SPATA16: variants seen among roughly 807,000 people sequenced by gnomAD.
SPATA16 encodes the protein spermatogenesis-associated protein 16.
In SPATA16, 36 loss-of-function variants were observed where a neutral mutation model predicts 63.3. That is an observed-to-expected ratio of 0.57 (90% CI 0.44 to 0.75). The LOEUF is 0.75. Ranked by LOEUF, SPATA16 falls within the 30% of genes least tolerant of loss-of-function variation. SPATA16 has a pLI of 0.00. For missense variants in SPATA16, 646 were observed against 679.3 expected (o/e 0.95, Z 0.54); for synonymous variants, 203 against 216.7 (o/e 0.94, Z 0.56).
intron 3 of SPATA16, among the ~76,000 whole-genome samples, chr3:173,039,396 A>G (rs972691960): frequency 6.6e-6 from 1 of 152,148 alleles, no homozygotes; most frequent in Non-Finnish European, 1.5e-5. Flanking sequence ...GGCAGTCCTC[A>G]GCATGGGAGC....
At chr3:172,954,314 C>T (rs1034489557) in intron 6 of SPATA16, among the ~76,000 whole-genome samples, 2 of 152,144 alleles carry the variant, frequency 1.3e-5, no homozygotes, top group African/African-American at 4.8e-5. Context: ...ACCATCAGAT[C>T]ATGTGAGACT....
chr3:173,056,099 A>G (rs1205585627), intron 2 of SPATA16, among the ~76,000 whole-genome samples: 1 of 152,144 alleles, frequency 6.6e-6, no homozygotes, highest in African/African-American at 2.4e-5. Context: ...AGGAGTAACA[A>G]CTCATAATGA....
chr3:173,111,585 AT>A (rs1431204813), intron 2 of SPATA16, among the ~76,000 whole-genome samples: 1 of 152,194 alleles, frequency 6.6e-6, no homozygotes, highest in Non-Finnish European at 1.5e-5. Context: ...CTGTGCTAGA[AT>A]TTATTTAAAT....
chr3:172,930,039 G>GCATCC (rs1732832272), intron 6 of SPATA16, among the ~76,000 whole-genome samples: 1 of 152,120 alleles, frequency 6.6e-6, no homozygotes, highest in African/African-American at 2.4e-5. Flanking sequence ...ACATTGCAAT[G>GCATCC]CATCCCATAT....
chr3:173,134,853 A>T (rs1738496603), intron 1 of SPATA16, among the ~76,000 whole-genome samples: 1 of 152,248 alleles, frequency 6.6e-6, no homozygotes. Flanking sequence ...AATTCCAAAT[A>T]CATTGCAACA....
intron 4 of SPATA16, among the ~76,000 whole-genome samples, chr3:172,987,230 G>A (rs1734478498): frequency 6.6e-6 from 1 of 152,304 alleles, no homozygotes; most frequent in Middle Eastern, 3.4e-3. Context: ...TAACTCTTTG[G>A]TAGAGACTCA....
intron 6 of SPATA16, among the ~76,000 whole-genome samples, chr3:172,953,806 T>C (rs1032248441): frequency 6.6e-6 from 1 of 152,164 alleles, no homozygotes; most frequent in African/African-American, 2.4e-5. Flanking sequence ...AGAAAAACTC[T>C]TGAAAAGGAG....
chr3:173,122,781 G>A (rs1738114290), intron 1 of SPATA16, among the ~76,000 whole-genome samples: 1 of 152,168 alleles, frequency 6.6e-6, no homozygotes, highest in South Asian at 2.1e-4. Context: ...AGGATGAAAA[G>A]AGGAGATGTT....
chr3:173,104,036 T>G (rs923598295), intron 2 of SPATA16, among the ~76,000 whole-genome samples: 1 of 152,228 alleles, frequency 6.6e-6, no homozygotes, highest in African/African-American at 2.4e-5. Context: ...GTCATCACTC[T>G]TAAGTTCAAA....
At chr3:173,066,843 C>T (rs567874444) in intron 2 of SPATA16, among the ~76,000 whole-genome samples, 9 of 152,094 alleles carry the variant, frequency 5.9e-5, no homozygotes, top group South Asian at 4.2e-4. Flanking sequence ...TGGCCACTCC[C>T]GGAGTGACAG....
At chr3:173,134,431 A>G (rs1738477555) in intron 1 of SPATA16, among the ~76,000 whole-genome samples, 1 of 152,044 alleles carries the variant, frequency 6.6e-6, no homozygotes. Context: ...GGAGGTTGCA[A>G]TGAGCTAAGA....
chr3:173,106,276 T>A (rs1192902495), intron 2 of SPATA16, among the ~76,000 whole-genome samples: 1 of 152,182 alleles, frequency 6.6e-6, no homozygotes, highest in African/African-American at 2.4e-5. Context: ...CTGCATTTAC[T>A]ACCCTAGGAA....
At chr3:172,975,147 G>A (rs1734124402) in intron 5 of SPATA16, among the ~76,000 whole-genome samples, 1 of 152,088 alleles carries the variant, frequency 6.6e-6, no homozygotes, top group Admixed American at 6.6e-5. Context: ...TTTCGCATCA[G>A]ATGGATAATG....
chr3:173,016,142 A>G (rs866863523), intron 4 of SPATA16, among the ~76,000 whole-genome samples: 1 of 152,328 alleles, frequency 6.6e-6, no homozygotes. Context: ...TGTGACTAGC[A>G]TCCCTGCAGA....
At chr3:172,907,355 C>A (rs1161388995) in intron 10 of SPATA16, among the ~76,000 whole-genome samples, 1 of 152,190 alleles carries the variant, frequency 6.6e-6, no homozygotes, top group Admixed American at 6.5e-5. Flanking sequence ...GGTTAAGCCA[C>A]CATTATTGCT....
Position 173,056,825 on chromosome 3 carries a change from G to GA in SPATA16, c.613-7732dup, listed in dbSNP as rs150007804. On this transcript the variant is annotated intron_variant, in intron 2 of 10. Coordinates refer to ENST00000351008, the MANE Select transcript of SPATA16 (RefSeq NM_031955.6). ...ATTATGGTATTTCCCATGCAGACAA[G>GA]AAAAAAAATAATGTTTTTTAAATGA... Among the ~76,000 whole-genome samples, 14 of 147,892 alleles carry GA rather than the reference G, an allele frequency of 9.5e-5. No individual in the cohort carries two copies. In the East Asian group the frequency reaches 1.0e-3, roughly 11 times the overall value.
intron 6 of SPATA16, among the ~76,000 whole-genome samples, chr3:172,941,178 T>C (rs1733140587): frequency 6.6e-6 from 1 of 152,106 alleles, no homozygotes; most frequent in South Asian, 2.1e-4. Flanking sequence ...ATGGAGAACA[T>C]GGACAATTTA....
chr3:173,049,999 A>C (rs963609425), intron 2 of SPATA16, among the ~76,000 whole-genome samples: 3 of 152,036 alleles, frequency 2.0e-5, no homozygotes, highest in African/African-American at 7.2e-5. Flanking sequence ...ATACTGGGGG[A>C]AATTTTCTTG....
chr3:173,049,127 T>C (rs748881261), intron 2 of SPATA16, 33 bp from the exon 3 acceptor site: 6 of 1,571,280 alleles, frequency 3.8e-6, no homozygotes, highest in Middle Eastern at 1.7e-4. Context: ...AACATCTTAA[T>C]AATCTTTCAT....
Sources: gnomAD v4.1 joint callset for allele counts (sites outside exome capture counted in the v4.1 genomes callset) on GRCh38, gnomAD v4.1.1 for gene constraint, MANE v1.5 for transcripts, NCBI Gene and HGNC (gene_info 2026-07-23, HGNC 2026-07-21) for gene names.